DIAPH3: variants seen among roughly 807,000 people sequenced by gnomAD.
The protein encoded by DIAPH3 is diaphanous related formin 3, also known as protein diaphanous homolog 3.
A neutral mutation model predicts 144.3 loss-of-function variants in DIAPH3; 117 were observed. The ratio of observed to expected loss-of-function variants is 0.81; its 90% CI spans 0.70 to 0.95. The LOEUF is 0.95. DIAPH3 is among the 40% of genes least tolerant of loss of function. DIAPH3 has a pLI of 0.00. For synonymous variants in DIAPH3, 519 were observed against 488.9 expected, an observed-to-expected ratio of 1.06 and a Z score of -0.81; for missense variants, 1,421 against 1,412.7, an observed-to-expected ratio of 1.01 and a Z score of -0.09.
intron 2 of DIAPH3, among the ~76,000 whole-genome samples, chr13:60,128,288 ACTTT>A (rs2059042565): frequency 6.6e-6 from 1 of 152,076 alleles, no homozygotes; most frequent in Admixed American, 6.6e-5. Flanking sequence ...TTAGTACCAT[ACTTT>A]CTTTATCCAA....
Position 60,104,186 on chromosome 13 carries a change from C to G in DIAPH3, c.390+7824G>C, listed in dbSNP as rs373835185. Among the ~76,000 whole-genome samples, 499 of 152,198 alleles carry G rather than the reference C, an allele frequency of 3.3e-3. 2 individuals are homozygous for G. The highest frequency in any genetic ancestry group is 0.011 in the African/African-American group (461 of 41,502). ...CAAGATGTCTATAAATACATTGAAGCTATAAAATAGCTTAAAACAGCTATA... is the reference window on the plus strand; with the variant it reads ...CAAGATGTCTATAAATACATTGAAGGTATAAAATAGCTTAAAACAGCTATA... On this transcript the variant is annotated intron_variant, in intron 3 of 27. Coordinates refer to ENST00000400324, the MANE Select transcript of DIAPH3 (RefSeq NM_001042517.2).
intron 27 of DIAPH3, among the ~76,000 whole-genome samples, chr13:59,702,349 A>G (rs1200658704): frequency 6.6e-6 from 1 of 152,192 alleles, no homozygotes; most frequent in Non-Finnish European, 1.5e-5. Flanking sequence ...GGTTATTTTC[A>G]GTCTTTAAAA....
chr13:59,881,774 G>A lies in DIAPH3; in HGVS notation c.2368-2306C>T, dbSNP rs1005397424. Among the ~76,000 whole-genome samples, 8 of 152,074 alleles carry A rather than the reference G, an allele frequency of 5.3e-5. No homozygotes were observed. The South Asian group carries it at 1.5e-3, about 28-fold the overall frequency. On this transcript the variant is annotated intron_variant, in intron 20 of 27. Coordinates refer to ENST00000400324, the MANE Select transcript of DIAPH3 (RefSeq NM_001042517.2). ...AAAATCCCTGACAAGGCAAAGTCAG[G>A]AAATGTAACCTAAAAACAAAGCTTT...
intron 22 of DIAPH3, among the ~76,000 whole-genome samples, chr13:59,845,482 G>A (rs1037581875): frequency 3.3e-5 from 5 of 152,100 alleles, no homozygotes; most frequent in Non-Finnish European, 7.3e-5. Context: ...CCTGTTCAAT[G>A]CATGTCAGTA....
rs2050954352 is a variant in DIAPH3 at position 59,980,789 on chromosome 13, A to G, written c.1545+6T>C. Reference sequence around the variant, plus strand: ...GAATACTATAAAGTTAGTGAAAACTACTTACTTTCTTGTAAAGTTCTGATG... The same window carrying G: ...GAATACTATAAAGTTAGTGAAAACTGCTTACTTTCTTGTAAAGTTCTGATG... On this transcript the variant is annotated splice_donor_region_variant and intron_variant, in intron 14 of 27. Coordinates refer to ENST00000400324, the MANE Select transcript of DIAPH3 (RefSeq NM_001042517.2). 2.5e-6 allele frequency: 4 copies of G among 1,607,430 alleles called. No homozygotes were observed. Among genetic ancestry groups the G allele is most frequent in the Non-Finnish European group, 3.4e-6 (4 of 1,175,364 alleles).
In DIAPH3 at chr13:59,861,391, T is replaced by C. The variant is rs753915433; in HGVS notation, c.2737+16A>G. On this transcript the variant is annotated intron_variant, in intron 22 of 27. Coordinates refer to ENST00000400324, the MANE Select transcript of DIAPH3 (RefSeq NM_001042517.2). ...GAAGATCAGAGCCATGAAATGTTTC[T>C]TAAAAAGGCACAAACCTTTACTAGC... 7 of 1,613,656 alleles carry C rather than the reference T, an allele frequency of 4.3e-6. No individual in the cohort carries two copies. The highest frequency in any genetic ancestry group is 2.2e-5 in the South Asian group (2 of 91,074).
At position 60,024,330 on chromosome 13, in the gene DIAPH3, T is replaced by C. The variant is rs370481007; in HGVS notation, c.627-8185A>G. 1.3e-4 allele frequency among the ~76,000 whole-genome samples: 20 copies of C among 152,320 alleles called. No individual in the cohort carries two copies. The East Asian group carries it at 2.1e-3, about 16-fold the overall frequency. On this transcript the variant is annotated intron_variant, in intron 5 of 27. Coordinates refer to ENST00000400324, the MANE Select transcript of DIAPH3 (RefSeq NM_001042517.2). ...GTCCAGACTATATACTTTCTATCAT[T>C]CTATAGTCCAGTTCACTAATTCTCT...
intron 2 of DIAPH3, among the ~76,000 whole-genome samples, chr13:60,129,627 A>G (rs1377786185): frequency 2.0e-5 from 3 of 152,210 alleles, no homozygotes; most frequent in African/African-American, 7.2e-5. Context: ...ACTACAGCAC[A>G]TTGCTATTCT....
At chr13:59,817,189 C>A (rs1229945952) in intron 24 of DIAPH3, among the ~76,000 whole-genome samples, 1 of 151,706 alleles carries the variant, frequency 6.6e-6, no homozygotes. Flanking sequence ...CTTTAATTAT[C>A]GAGTTTGAAT....
intron 2 of DIAPH3, among the ~76,000 whole-genome samples, chr13:60,126,433 TA>T (rs2058991569): frequency 1.3e-5 from 2 of 152,192 alleles, no homozygotes; most frequent in South Asian, 4.1e-4. Context: ...ACAACAATCT[TA>T]TATATGCACT....
At chr13:60,088,526 A>G (rs1039495895) in intron 4 of DIAPH3, among the ~76,000 whole-genome samples, 7 of 152,116 alleles carry the variant, frequency 4.6e-5, no homozygotes, top group Non-Finnish European at 7.4e-5. Flanking sequence ...CCCTAGTTTC[A>G]TATTGCCGCA....
intron 4 of DIAPH3, among the ~76,000 whole-genome samples, chr13:60,065,685 C>G (rs2056935874): frequency 6.6e-6 from 1 of 152,134 alleles, no homozygotes; most frequent in Non-Finnish European, 1.5e-5. Flanking sequence ...TGGAGTTGAT[C>G]TTTAAAAAAT....
At chr13:59,924,438 AT>A (rs1308228394) in intron 18 of DIAPH3, among the ~76,000 whole-genome samples, 1 of 151,618 alleles carries the variant, frequency 6.6e-6, no homozygotes, top group Non-Finnish European at 1.5e-5. Flanking sequence ...TACACTACCA[AT>A]TTTTTTCAAA....
intron 27 of DIAPH3, among the ~76,000 whole-genome samples, chr13:59,760,290 T>C (rs2037510117): frequency 6.6e-6 from 1 of 152,240 alleles, no homozygotes; most frequent in Non-Finnish European, 1.5e-5. Context: ...TTATGAAATA[T>C]GCTTTCCATC....
At chr13:60,098,384 A>G (rs1247076258) in intron 3 of DIAPH3, among the ~76,000 whole-genome samples, 2 of 152,120 alleles carry the variant, frequency 1.3e-5, no homozygotes, top group African/African-American at 4.8e-5. Context: ...TCAGCTGCAG[A>G]ATCCTAGTTC....
intron 27 of DIAPH3, among the ~76,000 whole-genome samples, chr13:59,697,317 G>T (rs560521275): frequency 1.2e-3 from 176 of 151,558 alleles, no homozygotes; most frequent in African/African-American, 4.2e-3. Flanking sequence ...AAAATTAGCC[G>T]GGCGTGGTGG....
chr13:60,061,843 C>T (rs542426317), intron 4 of DIAPH3, among the ~76,000 whole-genome samples: 2 of 152,202 alleles, frequency 1.3e-5, no homozygotes, highest in Admixed American at 6.6e-5. Context: ...TATTCTCTTT[C>T]GTAAGAGCCT....
intron 27 of DIAPH3, among the ~76,000 whole-genome samples, chr13:59,698,057 A>G (rs920866323): frequency 1.3e-5 from 2 of 152,196 alleles, no homozygotes; most frequent in Non-Finnish European, 2.9e-5. Context: ...TAAAAAGAAA[A>G]CAAGAAAGTC....
chr13:59,996,209 C>T (rs73212291), intron 9 of DIAPH3, among the ~76,000 whole-genome samples: 2 of 151,932 alleles, frequency 1.3e-5, no homozygotes, highest in Non-Finnish European at 2.9e-5. Context: ...CTTGCCTCCC[C>T]ACAGATGCCA....
Sources: gnomAD v4.1 joint callset for allele counts (sites outside exome capture counted in the v4.1 genomes callset) on GRCh38, gnomAD v4.1.1 for gene constraint, MANE v1.5 for transcripts, NCBI Gene and HGNC (gene_info 2026-07-23, HGNC 2026-07-21) for gene names.